The following NEGR1 variants were observed in gnomAD, a reference collection of about 807,000 sequenced individuals.
The protein encoded by NEGR1 is IgLON family member 4.
In NEGR1, 10 loss-of-function variants were observed where a neutral mutation model predicts 40.9. The observed-to-expected ratio is 0.24, with a 90% confidence interval of 0.15 to 0.42. The LOEUF is 0.42. Ranked by LOEUF, NEGR1 falls within the 10% of genes least tolerant of loss-of-function variation. The pLI is 1.00. For synonymous variants in NEGR1, 185 were observed against 166.8 expected (o/e 1.11, Z -0.84); for missense variants, 352 against 438.9 (o/e 0.80, Z 1.77).
At chr1:71,632,392 AC>A (rs1276840134) in intron 4 of NEGR1, among the ~76,000 whole-genome samples, 1 of 151,380 alleles carries the variant, frequency 6.6e-6, no homozygotes, top group African/African-American at 2.4e-5. Context: ...TTTACTATGT[AC>A]TCAAATTCCT....
In NEGR1 at chr1:71,872,988, C is replaced by T. The variant is rs567006746; in HGVS notation, c.409+62091G>A. ...CTACCCTTAGACTTAACCGATGTTT[C>T]ACACTCAAAAACAAAATGACCTATA... is the stretch of plus-strand genomic sequence containing the variant. On this transcript the variant is annotated intron_variant, in intron 2 of 6. Coordinates refer to ENST00000357731, the MANE Select transcript of NEGR1 (RefSeq NM_173808.3). 3.9e-5 allele frequency among the ~76,000 whole-genome samples: 6 copies of T among 151,966 alleles called. No homozygotes were observed. The South Asian group carries it at 1.0e-3, about 26-fold the overall frequency.
intron 6 of NEGR1, among the ~76,000 whole-genome samples, chr1:71,448,250 C>A (rs1170229398): frequency 1.4e-5 from 2 of 147,550 alleles, no homozygotes; most frequent in East Asian, 2.0e-4. Context: ...AAAAAAGACA[C>A]AGAGAGAGAG....
chr1:72,275,101 T>A, intron 1 of NEGR1: 2 of 866,906 alleles, frequency 2.3e-6, no homozygotes, highest in South Asian at 2.6e-5. Context: ...ACCGAAAGAC[T>A]TGGGAACAGA....
intron 2 of NEGR1, among the ~76,000 whole-genome samples, chr1:71,900,227 A>G (rs1280273379): frequency 6.6e-6 from 1 of 152,194 alleles, no homozygotes; most frequent in Non-Finnish European, 1.5e-5. Context: ...AGTTAGGCCA[A>G]TTCAACCATA....
intron 2 of NEGR1, among the ~76,000 whole-genome samples, chr1:71,921,703 A>AATAT (rs61614174): frequency 0.022 from 2,882 of 133,880 alleles, 30 homozygotes; most frequent in Non-Finnish European, 0.024. Flanking sequence ...ACAGTACAAG[A>AATAT]ATATATATAT....
intron 1 of NEGR1, among the ~76,000 whole-genome samples, chr1:72,095,278 T>C (rs1217562680): frequency 2.0e-5 from 3 of 152,126 alleles, no homozygotes; most frequent in South Asian, 4.1e-4. Context: ...AATATTACTT[T>C]GAAAATCTAA....
intron 3 of NEGR1, among the ~76,000 whole-genome samples, chr1:71,763,790 C>A (rs1240151612): frequency 6.6e-6 from 1 of 150,940 alleles, no homozygotes; most frequent in Non-Finnish European, 1.5e-5. Context: ...TGTGTGTTTA[C>A]TTAGGGGAAT....
chr1:72,004,935 C>T (rs1031306035), intron 1 of NEGR1, among the ~76,000 whole-genome samples: 1 of 152,084 alleles, frequency 6.6e-6, no homozygotes, highest in East Asian at 1.9e-4. Flanking sequence ...TTGAGCACCT[C>T]CAAATAGATT....
intron 6 of NEGR1, among the ~76,000 whole-genome samples, chr1:71,462,917 G>C (rs995829807): frequency 7.9e-5 from 12 of 152,146 alleles, no homozygotes; most frequent in African/African-American, 2.9e-4. Context: ...AAGAAAATCA[G>C]AGGGGAAAGG....
chr1:72,203,818 G>A (rs1463106467), intron 1 of NEGR1, among the ~76,000 whole-genome samples: 2 of 152,034 alleles, frequency 1.3e-5, no homozygotes, highest in Non-Finnish European at 2.9e-5. Flanking sequence ...TTAACATCAA[G>A]GCAAGACCCT....
chr1:71,408,698 C>T (rs1646296010), intron 6 of NEGR1: 1 of 151,790 alleles, frequency 6.6e-6, no homozygotes, highest in Non-Finnish European at 1.5e-5. Flanking sequence ...AAAAACCTGC[C>T]AATATATTTT....
At chr1:72,068,367 A>G (rs936226005) in intron 1 of NEGR1, among the ~76,000 whole-genome samples, 2 of 152,172 alleles carry the variant, frequency 1.3e-5, no homozygotes, top group African/African-American at 4.8e-5. Context: ...GCAAGATCCA[A>G]TCAGATCACA....
At chr1:71,693,081 A>G (rs1034533088) in intron 4 of NEGR1, among the ~76,000 whole-genome samples, 4 of 151,658 alleles carry the variant, frequency 2.6e-5, no homozygotes, top group Admixed American at 6.6e-5. Context: ...CTTCAAAATC[A>G]GGGCAATTAT....
intron 3 of NEGR1, among the ~76,000 whole-genome samples, chr1:71,724,812 A>ATC (rs979158225): frequency 2.7e-5 from 4 of 150,594 alleles, no homozygotes; most frequent in Admixed American, 1.3e-4. Context: ...CTCTCCCTTT[A>ATC]TCTCTCTCTC....
intron 1 of NEGR1, among the ~76,000 whole-genome samples, chr1:72,178,212 T>G (rs1652244045): frequency 6.6e-6 from 1 of 152,050 alleles, no homozygotes; most frequent in African/African-American, 2.4e-5. Flanking sequence ...TAATGACCAT[T>G]GCATTCCCTA....
chr1:71,966,880 GC>G (rs1646214075), intron 1 of NEGR1, among the ~76,000 whole-genome samples: 2 of 152,104 alleles, frequency 1.3e-5, no homozygotes, highest in South Asian at 4.1e-4. Context: ...GGCTGATCAT[GC>G]CCAAAGGACA....
chr1:72,186,395 C>A (rs189566317), intron 1 of NEGR1, among the ~76,000 whole-genome samples: 271 of 151,752 alleles, frequency 1.8e-3, no homozygotes, highest in African/African-American at 6.2e-3. Flanking sequence ...GAGTTTATAT[C>A]TTTAATTATG....
intron 4 of NEGR1, among the ~76,000 whole-genome samples, chr1:71,682,166 T>C (rs1652861704): frequency 6.6e-6 from 1 of 152,198 alleles, no homozygotes; most frequent in Non-Finnish European, 1.5e-5. Flanking sequence ...TTCCAATTTG[T>C]TAATCCCCTC....
intron 2 of NEGR1, among the ~76,000 whole-genome samples, chr1:71,787,439 A>T (rs1217408073): frequency 1.3e-5 from 2 of 152,190 alleles, no homozygotes; most frequent in Non-Finnish European, 2.9e-5. Context: ...GTATACATAC[A>T]TATTGTGATT....
Sources: allele counts gnomAD v4.1 joint callset (sites outside exome capture counted in the v4.1 genomes callset), GRCh38; gene constraint gnomAD v4.1.1; transcripts MANE v1.5; gene names NCBI Gene and HGNC (gene_info 2026-07-23, HGNC 2026-07-21).